The following TSKS variants were observed in gnomAD, a reference collection of about 807,000 sequenced individuals.
TSKS encodes testis specific serine kinase substrate.
TSKS carries 27 observed loss-of-function variants against 68.0 expected under a neutral mutation model. That is an observed-to-expected ratio of 0.40 (90% confidence interval 0.29 to 0.55). TSKS has a LOEUF of 0.55. Among genes scored for constraint, TSKS ranks in the 20% least tolerant of loss-of-function variants. TSKS has a pLI of 0.53. For synonymous variants in TSKS, 331 were observed against 340.4 expected (o/e 0.97, Z 0.30); for missense variants, 806 against 776.0 (o/e 1.04, Z -0.46).
intron 9 of TSKS, 136 bp downstream of exon 9, chr19:49,741,749 C>T (rs769950363): frequency 1.6e-6 from 2 of 1,221,606 alleles, no homozygotes; most frequent in Non-Finnish European, 2.3e-6. Flanking sequence ...GCCAAGTCCT[C>T]CCCCAGTGCC....
At chr19:49,757,177 A>T (rs934595857) in intron 2 of TSKS, among the ~76,000 whole-genome samples, 2 of 152,230 alleles carry the variant, frequency 1.3e-5, no homozygotes, top group African/African-American at 4.8e-5. Context: ...TCAATGTCAT[A>T]AGCAGCCACC....
chr19:49,759,782 C>G (rs1228476748), intron 2 of TSKS, among the ~76,000 whole-genome samples: 1 of 152,010 alleles, frequency 6.6e-6, no homozygotes, highest in Non-Finnish European at 1.5e-5. Context: ...TTGCAGTGAG[C>G]TATTATCATG....
chr19:49,740,841 G>A (rs763716484), intron 9 of TSKS, among the ~76,000 whole-genome samples: 5 of 148,580 alleles, frequency 3.4e-5, no homozygotes, highest in Admixed American at 6.9e-5. Flanking sequence ...CCAAGATGGC[G>A]CCACTGCACT....
chr19:49,746,758 G>T lies in TSKS; in HGVS notation c.704C>A (p.Thr235Lys). 1 of 1,601,208 alleles carries T rather than the reference G, an allele frequency of 6.2e-7. No individual in the cohort carries two copies. ...RYLQQQLQDE[T>K]PRRQEAELQE... ...CAGCTCGGCCTCCTGCCGTCGCGGC[G>T]TCTCATCCTGCAGCTGCTGCTGGAG... The change falls in exon 6 of 11, where the codon ACG becomes AAG. Residue 235 changes from threonine to lysine, a missense_variant. Transcript: ENST00000246801.
At chr19:49,746,374 C>G in intron 6 of TSKS, 96 bp downstream of exon 6, 4 of 1,439,992 alleles carry the variant, frequency 2.8e-6, no homozygotes, top group South Asian at 1.3e-5. Flanking sequence ...TGAGAACCCC[C>G]GTCCCTTGGG....
At chr19:49,760,066 A>G (rs1218776425) in intron 2 of TSKS, among the ~76,000 whole-genome samples, 1 of 151,838 alleles carries the variant, frequency 6.6e-6, no homozygotes, top group East Asian at 1.9e-4. Context: ...TGGGAGAATC[A>G]CTTGAACCCA....
At chr19:49,748,005 A>G (rs2084317004) in intron 4 of TSKS, 80 bp downstream of exon 4, 2 of 1,323,986 alleles carry the variant, frequency 1.5e-6, no homozygotes, top group South Asian at 1.2e-5. Context: ...CACTGCACCC[A>G]GCCTCCTCCC....
intron 2 of TSKS, among the ~76,000 whole-genome samples, chr19:49,752,651 T>G (rs1323390565): frequency 6.6e-6 from 1 of 152,218 alleles, no homozygotes; most frequent in Non-Finnish European, 1.5e-5. Flanking sequence ...AATTTTACGC[T>G]TGTTTTAATG....
At chr19:49,758,800 T>G (rs899629265) in intron 2 of TSKS, among the ~76,000 whole-genome samples, 1 of 151,986 alleles carries the variant, frequency 6.6e-6, no homozygotes, top group Non-Finnish European at 1.5e-5. Flanking sequence ...GTCCTGCTTC[T>G]TACAACCCCT....
Position 49,745,300 on chromosome 19 carries a change from G to C in TSKS, c.1089C>G (p.Asp363Glu). The change falls in exon 7 of 11, where the codon GAC becomes GAG. Residue 363 changes from aspartate (D) to glutamate (E), a missense_variant. Coordinates refer to ENST00000246801, the MANE Select transcript of TSKS (RefSeq NM_021733.2). ...CCCGCTCCCACTGGCCTAGGAAGCCGTCGACCCTGCCGCCCAGGCCCCCGA... is the reference window on the plus strand; with the variant it reads ...CCCGCTCCCACTGGCCTAGGAAGCCCTCGACCCTGCCGCCCAGGCCCCCGA... Reference protein sequence around the residue: ...RLLGGLGGRVDGFLGQWERAQ... With the variant: ...RLLGGLGGRVEGFLGQWERAQ... 8 of 1,605,200 alleles carry C rather than the reference G, an allele frequency of 5.0e-6. No homozygotes were observed. Among genetic ancestry groups the C allele is most frequent in the Non-Finnish European group, 6.8e-6 (8 of 1,179,452 alleles).
intron 6 of TSKS, 126 bp downstream of exon 6, chr19:49,746,344 C>T: frequency 8.7e-7 from 1 of 1,153,856 alleles, no homozygotes; most frequent in Non-Finnish European, 1.2e-6. Context: ...CCACCCATGT[C>T]ACCGCCCACC....
intron 8 of TSKS, 34 bp downstream of exon 8, chr19:49,744,197 A>C: frequency 6.2e-7 from 1 of 1,600,718 alleles, no homozygotes; most frequent in Non-Finnish European, 8.6e-7. Context: ...TGTCCTATCC[A>C]CAAGGCTCCC....
chr19:49,753,367 C>A (rs1320191303), intron 2 of TSKS, among the ~76,000 whole-genome samples: 1 of 151,930 alleles, frequency 6.6e-6, no homozygotes, highest in East Asian at 1.9e-4. Flanking sequence ...TCGAGACCAT[C>A]CTGGCTAACA....
Position 49,746,788 on chromosome 19 carries a change from C to T in TSKS, c.674G>A (p.Arg225His). Residue 225 changes from arginine to histidine, a missense_variant, in exon 6 of 11, where the codon CGC becomes CAC. Arg to His is a conservative substitution (Grantham distance 29). Coordinates refer to ENST00000246801, the MANE Select transcript of TSKS (RefSeq NM_021733.2). ...ATCCTGCAGCTGCTGCTGGAGGTAG[C>T]GCAGCTTCTCCTGGGTGGTAAGGGA... ...QNSALLEEKL[R>H]YLQQQLQDET... The T allele has an allele frequency of 6.3e-7, 1 of 1,599,308 alleles. No homozygotes were observed. Among genetic ancestry groups the T allele is most frequent in the Non-Finnish European group, 8.5e-7 (1 of 1,179,616 alleles).
chr19:49,740,152 A>T lies in TSKS; in HGVS notation c.1529T>A (p.Val510Asp). 1 of 1,613,736 alleles carries T rather than the reference A, an allele frequency of 6.2e-7. No homozygotes were observed. The highest frequency in any genetic ancestry group is 8.5e-7 in the Non-Finnish European group (1 of 1,179,958). The change falls in exon 10 of 11, where the codon GTC becomes GAC. Residue 510 changes from valine to aspartate, a missense_variant. Val to Asp is a radical substitution (Grantham distance 152). Coordinates refer to ENST00000246801, the MANE Select transcript of TSKS (RefSeq NM_021733.2). ...ELERQALAKH[V>D]RAEALSSTLR... is the part of the protein sequence containing the mutation. ...GGTGGAGCTCAGGGCCTCTGCCCTG[A>T]CGTGTTTGGCTAAGGCCTGGCGCTC... is the stretch of plus-strand genomic sequence containing the variant.
At chr19:49,752,996 G>A (rs886100811) in intron 2 of TSKS, among the ~76,000 whole-genome samples, 2 of 152,236 alleles carry the variant, frequency 1.3e-5, no homozygotes, top group African/African-American at 4.8e-5. Context: ...AGAAGATTTT[G>A]TTGTTGTTCC....
At chr19:49,751,899 CAAAAAAAAAAAA>C (rs61310693) in intron 2 of TSKS, among the ~76,000 whole-genome samples, 2 of 41,680 alleles carry the variant, frequency 4.8e-5, no homozygotes, top group Admixed American at 3.0e-4. Context: ...CCCAACTCTA[CAAAAAAAAAAAA>C]AAAAAAAAAA....
intron 5 of TSKS, chr19:49,747,152 G>A (rs1331946085): frequency 3.9e-6 from 6 of 1,536,034 alleles, no homozygotes; most frequent in Admixed American, 3.9e-5. Context: ...CTCACCTGAA[G>A]TCCAGCTCGA....
chr19:49,760,111 A>G (rs971271362), intron 2 of TSKS, among the ~76,000 whole-genome samples: 2 of 152,010 alleles, frequency 1.3e-5, no homozygotes, highest in South Asian at 4.2e-4. Flanking sequence ...AGATCGCACC[A>G]CTGTACTCCA....
Sources: allele counts gnomAD v4.1 joint callset (sites outside exome capture counted in the v4.1 genomes callset), GRCh38; gene constraint gnomAD v4.1.1; transcripts MANE v1.5; gene names NCBI Gene and HGNC (gene_info 2026-07-23, HGNC 2026-07-21).